Variants in PDE1B observed in about 807,000 individuals in gnomAD.
PDE1B encodes the protein dual specificity calcium/calmodulin-dependent 3',5'-cyclic nucleotide phosphodiesterase 1B.
In PDE1B, 13 loss-of-function variants were observed where a neutral mutation model predicts 66.7. The ratio of observed to expected loss-of-function variants is 0.19; its 90% CI spans 0.13 to 0.31. PDE1B has a LOEUF of 0.31. Among genes scored for constraint, PDE1B ranks in the 10% least tolerant of loss-of-function variants. The pLI, the probability that PDE1B is intolerant of heterozygous loss-of-function variation, is 1.00. For synonymous variants in PDE1B, 230 were observed against 253.9 expected, an observed-to-expected ratio of 0.91 and a Z score of 0.90; for missense variants, 485 against 682.3, an observed-to-expected ratio of 0.71 and a Z score of 3.22.
At chr12:54,576,198 G>C (rs1957740845) in intron 13 of PDE1B, 98 bp downstream of exon 13, 1 of 799,226 alleles carries the variant, frequency 1.3e-6, no homozygotes, top group African/African-American at 1.7e-5. Flanking sequence ...GCCATGGTGG[G>C]GTGGTGGGGA....
At chr12:54,560,132 C>G (rs555681070) in intron 2 of PDE1B, among the ~76,000 whole-genome samples, 74 of 152,262 alleles carry the variant, frequency 4.9e-4, no homozygotes, top group African/African-American at 1.3e-3. Context: ...CACTAGAGAA[C>G]AGCCTTAAGA....
intron 15 of PDE1B, 170 bp downstream of exon 15, chr12:54,577,515 C>T (rs1957782530): frequency 6.3e-7 from 1 of 1,577,782 alleles, no homozygotes; most frequent in Admixed American, 1.7e-5. Context: ...GCAGGGAAAT[C>T]CTCCCACGCT....
At chr12:54,555,112 C>T (rs1291788487) in intron 2 of PDE1B, among the ~76,000 whole-genome samples, 1 of 152,108 alleles carries the variant, frequency 6.6e-6, no homozygotes, top group African/African-American at 2.4e-5. Flanking sequence ...ATGTGGGCCA[C>T]TGAGGTCAAA....
At position 54,549,973 on chromosome 12, in the gene PDE1B, A is replaced by G. The variant is rs893126150; in HGVS notation, c.101A>G (p.Lys34Arg). ...GCCCCCAGCAAGAAGATGTGGATTA[A>G]GCTTCGGTCTCTGTAAGTCCCCGGC... The part of the protein sequence containing the change: ...KSAPSKKMWI[K>R]LRSLLRYMVK... Residue 34 changes from lysine (K) to arginine (R), a missense_variant, in exon 2 of 16, where the codon AAG (lysine) becomes AGG (arginine). Lys to Arg is a conservative substitution (Grantham distance 26). Around this residue, in one of 4 missense-constraint regions of PDE1B, gnomAD observed 74 missense variants for 78.7 expected, o/e 0.94. Transcript: ENST00000243052. 6.2e-7 allele frequency: 1 copy of G among 1,613,980 alleles called. No homozygotes were observed. The highest frequency in any genetic ancestry group is 8.5e-7 in the Non-Finnish European group (1 of 1,179,958).
intron 2 of PDE1B, among the ~76,000 whole-genome samples, chr12:54,552,320 C>T (rs1957289532): frequency 6.6e-6 from 1 of 152,092 alleles, no homozygotes; most frequent in Non-Finnish European, 1.5e-5. Flanking sequence ...CCCCTTTGGT[C>T]AAGGTGGGAA....
At chr12:54,559,228 C>G (rs1381804193) in intron 2 of PDE1B, among the ~76,000 whole-genome samples, 1 of 141,230 alleles carries the variant, frequency 7.1e-6, no homozygotes, top group Admixed American at 7.1e-5. Context: ...CCCTTTACCC[C>G]CACCCACCCC....
intron 2 of PDE1B, among the ~76,000 whole-genome samples, chr12:54,550,445 A>G (rs533551005): frequency 1.4e-4 from 21 of 152,312 alleles, no homozygotes; most frequent in Non-Finnish European, 2.9e-4. Flanking sequence ...GCATGGGAAT[A>G]CTTGTGCCAA....
intron 2 of PDE1B, among the ~76,000 whole-genome samples, chr12:54,551,961 A>G (rs1957283999): frequency 6.6e-6 from 1 of 152,230 alleles, no homozygotes; most frequent in African/African-American, 2.4e-5. Context: ...GCTTTGTACA[A>G]TAAATTTACA....
chr12:54,572,578 C>T (rs1486123152), intron 6 of PDE1B, 23 bp from the exon 7 acceptor site: 1 of 1,609,826 alleles, frequency 6.2e-7, no homozygotes, highest in Admixed American at 1.7e-5. Context: ...TGATATATCT[C>T]CATTTCCCCT....
intron 10 of PDE1B, 199 bp from the exon 11 acceptor site, chr12:54,574,899 C>G (rs552422067): frequency 2.4e-6 from 1 of 421,254 alleles, no homozygotes; most frequent in African/African-American, 2.1e-5. Context: ...CACTTGAACC[C>G]AGGTGACAGA....
rs775511978 is a variant in PDE1B, at chr12:54,569,524, T to G, written c.411-22T>G. On this transcript the variant is annotated intron_variant, in intron 4 of 15. Coordinates refer to ENST00000243052, the MANE Select transcript of PDE1B (RefSeq NM_000924.4). The surrounding 1 kb of genome is among the most constrained non-coding windows in gnomAD (Gnocchi z 4.4). ...ACTCCCAGACCTTCATATGTGGGCT[T>G]CTTCTCATTGTTCTCTCTCAGGATG... 6 of 1,609,434 alleles carry G rather than the reference T, an allele frequency of 3.7e-6. No homozygotes were observed. The African/African-American group carries it at 5.4e-5, about 14-fold the overall frequency.
intron 2 of PDE1B, among the ~76,000 whole-genome samples, chr12:54,555,897 C>G (rs1957336306): frequency 6.6e-6 from 1 of 152,170 alleles, no homozygotes; most frequent in South Asian, 2.1e-4. Flanking sequence ...TACTTCTCCT[C>G]CCTCATCTTG....
intron 14 of PDE1B, 36 bp from the exon 15 acceptor site, chr12:54,577,189 T>C: frequency 6.5e-7 from 1 of 1,546,414 alleles, no homozygotes; most frequent in Non-Finnish European, 8.9e-7. Flanking sequence ...GAATACTTCT[T>C]GGCCTAAGCT....
intron 2 of PDE1B, among the ~76,000 whole-genome samples, chr12:54,556,806 G>C (rs990555800): frequency 6.6e-6 from 1 of 151,732 alleles, no homozygotes; most frequent in Non-Finnish European, 1.5e-5. Context: ...GCTACAGTGG[G>C]GTGATTAGGC....
intron 2 of PDE1B, among the ~76,000 whole-genome samples, chr12:54,565,805 T>C (rs1957503285): frequency 6.6e-6 from 1 of 152,208 alleles, no homozygotes; most frequent in Non-Finnish European, 1.5e-5. Context: ...CCCGGGATTC[T>C]AGAGCTACTT....
intron 3 of PDE1B, among the ~76,000 whole-genome samples, chr12:54,567,859 TATA>T (rs1957543910): frequency 1.8e-5 from 2 of 113,480 alleles, no homozygotes; most frequent in Non-Finnish European, 4.1e-5. Context: ...TATATATATA[TATA>T]TTTTTTTGTT....
At chr12:54,577,801 G>C (rs1202665748) in intron 15 of PDE1B, 59 bp from the exon 16 acceptor site, 1 of 397,944 alleles carries the variant, frequency 2.5e-6, no homozygotes, top group African/African-American at 2.0e-5. Flanking sequence ...GGAGAAGGAA[G>C]GTCAGGTTGG....
chr12:54,575,689 G>A lies in PDE1B; in HGVS notation c.1267+57G>A. 2.4e-6 allele frequency: 3 copies of A among 1,236,498 alleles called. No homozygotes were observed. Among genetic ancestry groups the A allele is most frequent in the Non-Finnish European group, 3.6e-6 (3 of 844,178 alleles). The allele number at this position is 1,236,498 out of a possible 1,614,324, so 76.6% of individuals were successfully genotyped here. A position where few individuals can be genotyped will look rare whatever the true frequency, so the allele number is the denominator to read the frequency against. ...CTGGGAGGGGGAAAAGATGCTGCCT[G>A]GGTCAGGATTGCTCCAAGTCCTCAA... On this transcript the variant is annotated intron_variant, in intron 12 of 15. Coordinates refer to ENST00000243052, the MANE Select transcript of PDE1B (RefSeq NM_000924.4). The surrounding 1 kb of genome is among the most constrained non-coding windows in gnomAD (Gnocchi z 4.0).
chr12:54,569,662 C>G lies in PDE1B; in HGVS notation c.477+50C>G. Reference sequence around the variant, plus strand: ...AGGAGAAAGTTAGGGGATGGAATAGCCACTGGGACTTCTAGACCCTGTTTA... The same window carrying G: ...AGGAGAAAGTTAGGGGATGGAATAGGCACTGGGACTTCTAGACCCTGTTTA... On this transcript the variant is annotated intron_variant, in intron 5 of 15. Transcript: ENST00000243052. This position sits in a 1 kb window ranked among gnomAD's most constrained non-coding sequence, Gnocchi z 4.4. The G allele has an allele frequency of 8.0e-7, 1 of 1,255,724 alleles. No individual in the cohort carries two copies. Among genetic ancestry groups the G allele is most frequent in the South Asian group, 1.2e-5 (1 of 83,826 alleles). 77.8% of individuals were successfully genotyped at this position (1,255,724 alleles called of 1,614,324 possible). A position where few individuals can be genotyped will look rare whatever the true frequency, so the allele number is the denominator to read the frequency against.
Sources: allele counts gnomAD v4.1 joint callset (sites outside exome capture counted in the v4.1 genomes callset), GRCh38; gene constraint gnomAD v4.1.1; regional missense constraint gnomAD v4.1.1; non-coding constraint Gnocchi (gnomAD v3.1); transcripts MANE v1.5; gene names NCBI Gene and HGNC (gene_info 2026-07-23, HGNC 2026-07-21).